Variants in SMAGP observed in about 807,000 individuals in gnomAD.
SMAGP encodes small cell transmembrane and glycosylated protein.
A neutral mutation model predicts 10.1 loss-of-function variants in SMAGP; 7 were observed. The observed-to-expected ratio is 0.70, with a 90% confidence interval of 0.40 to 1.31. The LOEUF (loss-of-function observed/expected upper bound fraction) is 1.31. SMAGP is among the 50% of genes most tolerant of loss of function. The probability of loss-of-function intolerance (pLI) is 0.01; values close to 1 mark genes in which losing one functional copy is unlikely to be tolerated. For synonymous variants in SMAGP, 49 were observed against 47.2 expected, an observed-to-expected ratio of 1.04 and a Z score of -0.16; for missense variants, 113 against 116.5, an observed-to-expected ratio of 0.97 and a Z score of 0.14.
intron 1 of SMAGP, 200 bp from the exon 2 acceptor site, chr12:51,269,516 T>C: frequency 1.8e-6 from 1 of 552,810 alleles, no homozygotes; most frequent in Non-Finnish European, 3.2e-6. Flanking sequence ...TGAGGCCGCA[T>C]GCAGTTTGAC....
At chr12:51,249,623 ATT>A (rs375937867) in intron 2 of SMAGP, among the ~76,000 whole-genome samples, 1 of 145,730 alleles carries the variant, frequency 6.9e-6, no homozygotes, top group Non-Finnish European at 1.5e-5. Context: ...ACAGTTATAC[ATT>A]TTTTTTTTTT....
At chr12:51,257,663 G>A (rs1565659077) in intron 2 of SMAGP, among the ~76,000 whole-genome samples, 1 of 151,956 alleles carries the variant, frequency 6.6e-6, no homozygotes, top group Non-Finnish European at 1.5e-5. Flanking sequence ...TCTTGCCTTA[G>A]TCTCCCGAGT....
chr12:51,260,478 G>A (rs1196838195), intron 2 of SMAGP, among the ~76,000 whole-genome samples: 17 of 151,724 alleles, frequency 1.1e-4, no homozygotes, highest in Admixed American at 2.6e-4. Flanking sequence ...CCAGGTTCAC[G>A]CCATTCTCCT....
chr12:51,266,937 G>A (rs1014963164), intron 2 of SMAGP, among the ~76,000 whole-genome samples: 6 of 152,146 alleles, frequency 3.9e-5, no homozygotes, highest in African/African-American at 7.2e-5. Flanking sequence ...CCAACATGGC[G>A]AAACCCTGTC....
chr12:51,248,418 ACACACACACACACACACTCTCTCT>A (rs1409042387), intron 2 of SMAGP, among the ~76,000 whole-genome samples: 1 of 110,348 alleles, frequency 9.1e-6, no homozygotes, highest in Non-Finnish European at 1.8e-5. Context: ...ACACACACAC[ACACACACACACACACACTCTCTCT>A]CTCTCTCTCT....
At chr12:51,252,972 T>C (rs1253839491) in intron 2 of SMAGP, among the ~76,000 whole-genome samples, 1 of 152,098 alleles carries the variant, frequency 6.6e-6, no homozygotes, top group African/African-American at 2.4e-5. Flanking sequence ...CAAGAACTTG[T>C]AAATGGGATT....
At chr12:51,250,204 C>CA (rs11289025) in intron 2 of SMAGP, among the ~76,000 whole-genome samples, 7,431 of 98,870 alleles carry the variant, frequency 0.075, 467 homozygotes, top group East Asian at 0.18. Flanking sequence ...ACTCTGTCTA[C>CA]AAAAAAAAAA....
intron 2 of SMAGP, among the ~76,000 whole-genome samples, chr12:51,262,533 G>A (rs1163425039): frequency 6.6e-6 from 1 of 151,992 alleles, no homozygotes; most frequent in East Asian, 1.9e-4. Context: ...CAGGAAAGCT[G>A]GCATAAAAGG....
At chr12:51,265,907 C>T (rs1214802395) in intron 2 of SMAGP, among the ~76,000 whole-genome samples, 1 of 152,100 alleles carries the variant, frequency 6.6e-6, no homozygotes, top group Non-Finnish European at 1.5e-5. Flanking sequence ...ACGGTGAAAC[C>T]CCGTCTCTAC....
In SMAGP at chr12:51,252,358, T is replaced by C. The variant is rs148229981; in HGVS notation, c.35-5527A>G. Reference sequence around the variant, plus strand: ...ATCTGCCCGCCTCGGCCTCCCAAAGTGCTGGGATTACAGGTATGAGCCACT... The same window carrying C: ...ATCTGCCCGCCTCGGCCTCCCAAAGCGCTGGGATTACAGGTATGAGCCACT... On this transcript the variant is annotated intron_variant, in intron 2 of 3. Coordinates refer to ENST00000603798, the MANE Select transcript of SMAGP (RefSeq NM_001031628.2). Among the ~76,000 whole-genome samples the C allele has an allele frequency of 4.2e-3, 634 of 151,502 alleles. 6 individuals are homozygous for C. Among genetic ancestry groups the C allele is most frequent in the African/African-American group, 0.015 (607 of 41,250 alleles).
intron 2 of SMAGP, chr12:51,251,704 T>A (rs1024538352): frequency 6.6e-6 from 1 of 152,154 alleles, no homozygotes; most frequent in African/African-American, 2.4e-5. Flanking sequence ...TGGTGATAGG[T>A]AACTTAAGGG....
intron 2 of SMAGP, among the ~76,000 whole-genome samples, chr12:51,247,098 A>G (rs1038387551): frequency 1.3e-5 from 2 of 152,178 alleles, no homozygotes; most frequent in African/African-American, 4.8e-5. Flanking sequence ...GGTTTCAAAT[A>G]TGAACTCTGT....
chr12:51,269,246 T>G lies in SMAGP; in HGVS notation c.33A>C (p.Arg11Ser). The G allele has an allele frequency of 6.2e-7, 1 of 1,613,808 alleles. No individual in the cohort carries two copies. The highest frequency in any genetic ancestry group is 2.2e-5 in the East Asian group (1 of 44,878). ...GGATTAGGAAAGGCCTTCACCTACC[T>G]CTTGGAGAAGGAGTAGTCAGGAGGC... MTSLLTTPSP[R>S]EELMTTPILQ... Residue 11 changes from arginine (R) to serine (S), a missense_variant and splice_region_variant, in exon 2 of 4, where the codon AGA (arginine) becomes AGC (serine). Physicochemically the swap from Arg to Ser is moderately radical, Grantham distance 110 (BLOSUM62 -1). Transcript: ENST00000603798.
In SMAGP at chr12:51,245,846, T is replaced by G; in HGVS notation, c.*95A>C. 1 of 1,412,978 alleles carries G rather than the reference T, an allele frequency of 7.1e-7. No homozygotes were observed. The highest frequency in any genetic ancestry group is 9.6e-7 in the Non-Finnish European group (1 of 1,045,092). The allele number at this position is 1,412,978 out of a possible 1,614,324, so 87.5% of individuals were successfully genotyped here. On this transcript the variant is annotated 3_prime_UTR_variant, in exon 4 of 4. Coordinates refer to ENST00000603798, the MANE Select transcript of SMAGP (RefSeq NM_001031628.2). ...GCTTGGATTTGCCCACATCAATCAA[T>G]GCTTCTCCCTGGCTTCAGAGAAAAC...
chr12:51,247,983 G>C (rs1944794711), intron 2 of SMAGP, among the ~76,000 whole-genome samples: 1 of 152,206 alleles, frequency 6.6e-6, no homozygotes, highest in East Asian at 1.9e-4. Context: ...GCAGGGGTAA[G>C]AGTTTACCGG....
intron 2 of SMAGP, among the ~76,000 whole-genome samples, chr12:51,252,726 A>G (rs1294229116): frequency 6.6e-6 from 1 of 152,062 alleles, no homozygotes; most frequent in Non-Finnish European, 1.5e-5. Context: ...TTGCAACAAG[A>G]ACAAAGAAAA....
chr12:51,266,459 T>C (rs553479982), intron 2 of SMAGP, among the ~76,000 whole-genome samples: 1 of 103,386 alleles, frequency 9.7e-6, no homozygotes, highest in Non-Finnish European at 2.4e-5. Flanking sequence ...GTGAAAGTTC[T>C]TGACTTAAGA....
In SMAGP at chr12:51,245,908, G is replaced by A. The variant is rs150412282; in HGVS notation, c.*33C>T. 1,574 of 1,595,136 alleles carry A rather than the reference G, an allele frequency of 9.9e-4. 15 individuals carry two copies. The African/African-American group carries it at 0.019, about 19-fold the overall frequency. On this transcript the variant is annotated 3_prime_UTR_variant, in exon 4 of 4. Transcript: ENST00000603798. ...AAGCAGTCAACGTGTTAGCGATGGA[G>A]CCAGGAATAAGCTCCTTGGGGCCTG...
chr12:51,254,417 T>G (rs1301711447), intron 2 of SMAGP, among the ~76,000 whole-genome samples: 2 of 151,740 alleles, frequency 1.3e-5, no homozygotes, highest in African/African-American at 2.4e-5. Flanking sequence ...TGTGGTGGCG[T>G]ATGCCTGTAG....
Sources: allele counts gnomAD v4.1 joint callset (sites outside exome capture counted in the v4.1 genomes callset), GRCh38; gene constraint gnomAD v4.1.1; transcripts MANE v1.5; gene names NCBI Gene and HGNC (gene_info 2026-07-23, HGNC 2026-07-21).